ELK4: variants seen among roughly 807,000 people sequenced by gnomAD.
The protein encoded by ELK4 is ETS transcription factor ELK4.
In ELK4, 16 loss-of-function variants were observed where a neutral mutation model predicts 29.6. The ratio of observed to expected loss-of-function variants is 0.54; its 90% CI spans 0.37 to 0.82. ELK4 has a LOEUF of 0.82. Among genes scored for constraint, ELK4 ranks in the 40% least tolerant of loss-of-function variants. The pLI, the probability that ELK4 is intolerant of heterozygous loss-of-function variation, is 0.00. For synonymous variants in ELK4, 213 were observed against 191.1 expected, an observed-to-expected ratio of 1.11 and a Z score of -0.95; for missense variants, 465 against 507.1, an observed-to-expected ratio of 0.92 and a Z score of 0.80.
In ELK4 at chr1:205,620,655, G is replaced by A. The variant is rs1225643059; in HGVS notation, c.391C>T (p.Pro131Ser). The A allele has an allele frequency of 2.5e-6, 4 of 1,613,994 alleles. No individual in the cohort carries two copies. The highest frequency in any genetic ancestry group is 3.4e-6 in the Non-Finnish European group (4 of 1,180,010). Residue 131 changes from proline (P) to serine (S), a missense_variant, in exon 3 of 5, where the codon CCT becomes TCT. Pro to Ser is a moderately conservative substitution (Grantham distance 74, BLOSUM62 -1). This residue lies in a region of ELK4 where 385 missense variants were observed against 387.5 expected (regional missense o/e 0.99). Coordinates refer to ENST00000357992, the MANE Select transcript of ELK4 (RefSeq NM_001973.4). Reference protein sequence around the residue: ...ENGGKDKPPQPGAKTSSRNDY... With the variant: ...ENGGKDKPPQSGAKTSSRNDY... ...TTGCGGCTAGAGGTCTTGGCACCAG[G>A]CTGAGGTGGTTTATCTTTCCCTCCA...
chr1:205,625,991 G>C (rs1322869861), intron 1 of ELK4: 1 of 1,332,972 alleles, frequency 7.5e-7, no homozygotes, highest in African/African-American at 1.4e-5. Flanking sequence ...TCTACTTCTT[G>C]ATCCAGAAGC....
chr1:205,626,014 G>T (rs1043407131), intron 1 of ELK4: 13 of 1,439,580 alleles, frequency 9.0e-6, no homozygotes. Flanking sequence ...ATTCATCTCC[G>T]AGCTGAGGAT....
At position 205,609,191 on chromosome 1, in the gene ELK4, A is replaced by G. The variant is rs1480658837; in HGVS notation, c.*7355T>C. 5.3e-6 allele frequency: 1 copy of G among 187,988 alleles called. No individual in the cohort carries two copies. The highest frequency in any genetic ancestry group is 6.2e-5 in the Admixed American group (1 of 16,162). 11.6% of individuals were successfully genotyped at this position (187,988 alleles called of 1,614,324 possible). A position where few individuals can be genotyped will look rare whatever the true frequency, so the allele number is the denominator to read the frequency against. ...TAAAGAAGATCGAGTAGGGCTCATG[A>G]AAAATTATTGGTTTGTTCTTCAAAA... is the stretch of plus-strand genomic sequence containing the variant. On this transcript the variant is annotated 3_prime_UTR_variant, in exon 5 of 5. Transcript: ENST00000357992.
In ELK4 at chr1:205,608,436, C is replaced by T. The variant is rs1435293285; in HGVS notation, c.*8110G>A. 2.0e-5 allele frequency: 4 copies of T among 195,748 alleles called. No individual in the cohort carries two copies. The highest frequency in any genetic ancestry group is 9.3e-5 in the African/African-American group (4 of 43,222). 12.1% of individuals were successfully genotyped at this position (195,748 alleles called of 1,614,324 possible). On this transcript the variant is annotated 3_prime_UTR_variant, in exon 5 of 5. Transcript: ENST00000357992. The stretch of plus-strand genomic sequence containing the variant: ...TCCTAATCAATCTTAGAGCAATATC[C>T]CTTTGTTTCCCAACAGGTAAGTCAG...
In ELK4 at chr1:205,611,618, A is replaced by G; in HGVS notation, c.*4928T>C. The G allele has an allele frequency of 5.0e-6, 1 of 200,394 alleles. No homozygotes were observed. Among genetic ancestry groups the G allele is most frequent in the Non-Finnish European group, 1.0e-5 (1 of 97,138 alleles). 12.4% of individuals were successfully genotyped at this position (200,394 alleles called of 1,614,324 possible). A position where few individuals can be genotyped will look rare whatever the true frequency, so the allele number is the denominator to read the frequency against. On this transcript the variant is annotated 3_prime_UTR_variant, in exon 5 of 5. Coordinates refer to ENST00000357992, the MANE Select transcript of ELK4 (RefSeq NM_001973.4). ...CCACACTTCACTTACACTACTATGG[A>G]CTGAACAATTAACTTCTCAATACTA... is the stretch of plus-strand genomic sequence containing the variant.
intron 4 of ELK4, 129 bp from the exon 5 acceptor site, chr1:205,616,773 T>C (rs1670237698): frequency 1.6e-6 from 1 of 642,650 alleles, no homozygotes; most frequent in Non-Finnish European, 2.6e-6. Flanking sequence ...AGGCAGTGGC[T>C]GTTTATCATG....
In ELK4 at chr1:205,620,331, G is replaced by C. The variant is rs749483621; in HGVS notation, c.715C>G (p.Pro239Ala). 6.2e-7 allele frequency: 1 copy of C among 1,614,158 alleles called. No individual in the cohort carries two copies. Among genetic ancestry groups the C allele is most frequent in the Non-Finnish European group, 8.5e-7 (1 of 1,180,028 alleles). The change falls in exon 3 of 5, where the codon CCA (proline) becomes GCA (alanine). Residue 239 changes from proline to alanine, a missense_variant. Physicochemically the swap from Pro to Ala is conservative, Grantham distance 27. Transcript: ENST00000357992. ...GTCATTACGTTAGAGGCAGAGGTTGGGGCTTCCAGGGAAGGCAGTTTTGGG... is the reference window on the plus strand; with the variant it reads ...GTCATTACGTTAGAGGCAGAGGTTGCGGCTTCCAGGGAAGGCAGTTTTGGG... Reference protein sequence around the residue: ...VSPKLPSLEAPTSASNVMTAF... With the variant: ...VSPKLPSLEAATSASNVMTAF...
At position 205,620,402 on chromosome 1, in the gene ELK4, G is replaced by C. The variant is rs377088845; in HGVS notation, c.644C>G (p.Ser215Cys). The change falls in exon 3 of 5, where the codon TCT becomes TGT. Residue 215 changes from serine to cysteine, a missense_variant. Physicochemically the swap from Ser to Cys is moderately radical, Grantham distance 112. Transcript: ENST00000357992. ...AATISIGPSI[S>C]PSSEETIQAL... ...TTGGATAGTTTCTTCTGAAGATGGA[G>C]AAATACTTGGGCCAATTGAAATGGT... is the stretch of plus-strand genomic sequence containing the variant. 5.6e-6 allele frequency: 9 copies of C among 1,614,072 alleles called. No individual in the cohort carries two copies. In the Admixed American group the frequency reaches 8.3e-5, roughly 15 times the overall value.
Position 205,618,964 on chromosome 1 carries a change from AGT to A in ELK4, c.1188_1189del (p.Leu397PhefsTer42). 1.2e-6 allele frequency: 2 copies of A among 1,603,822 alleles called. No homozygotes were observed. Among genetic ancestry groups the A allele is most frequent in the Non-Finnish European group, 1.7e-6 (2 of 1,175,522 alleles). On this transcript the variant is annotated frameshift_variant, in exon 4 of 5. Coordinates refer to ENST00000357992, the MANE Select transcript of ELK4 (RefSeq NM_001973.4). LOFTEE classifies it high-confidence loss of function. ...AGATATTTATAAAATTACCTGGAAA[AGT>A]GTGTTAGCACCTTGCAGTCTGGCTG...
In ELK4 at chr1:205,631,947, G is replaced by A. The variant is rs1670603126; in HGVS notation, c.-325C>T. 6.6e-6 allele frequency: 1 copy of A among 150,380 alleles called. No homozygotes were observed. The highest frequency in any genetic ancestry group is 2.4e-5 in the African/African-American group (1 of 41,242). The allele number at this position is 150,380 out of a possible 1,614,324, so 9.3% of individuals were successfully genotyped here. A position where few individuals can be genotyped will look rare whatever the true frequency, so the allele number is the denominator to read the frequency against. On this transcript the variant is annotated 5_prime_UTR_variant, in exon 1 of 5. Coordinates refer to ENST00000357992, the MANE Select transcript of ELK4 (RefSeq NM_001973.4). ...TTCCTTGCAGCGGCGGGGCCTGCCA[G>A]GCCCTCCGCGGCCGCCGCCACTCTC...
rs1670199217 is a variant in ELK4, at chr1:205,614,493, T to C, written c.*2053A>G. On this transcript the variant is annotated 3_prime_UTR_variant, in exon 5 of 5. Coordinates refer to ENST00000357992, the MANE Select transcript of ELK4 (RefSeq NM_001973.4). ...TATGGAAAAAAAAGTCCAATATGTC[T>C]GTTCCCCATCACTATTAAACAATAC... is the stretch of plus-strand genomic sequence containing the variant. 4 of 228,598 alleles carry C rather than the reference T, an allele frequency of 1.7e-5. No homozygotes were observed. The highest frequency in any genetic ancestry group is 3.5e-5 in the Non-Finnish European group (4 of 115,356). The allele number at this position is 228,598 out of a possible 1,614,324, so 14.2% of individuals were successfully genotyped here.
Position 205,631,762 on chromosome 1 carries a change from TAG to T in ELK4, c.-142_-141del. ...CGCTGCGACCCCCGCGGCGGAGCCG[TAG>T]AAGGCGGCGGCGGCCAAGCCGAGCC... On this transcript the variant is annotated 5_prime_UTR_variant, in exon 1 of 5. The change abolishes the stop of an existing upstream ORF in the 5' untranslated region. Transcript: ENST00000357992. 1 of 272,850 alleles carries T rather than the reference TAG, an allele frequency of 3.7e-6. No homozygotes were observed. Among genetic ancestry groups the T allele is most frequent in the Non-Finnish European group, 7.7e-6 (1 of 129,826 alleles). The allele number at this position is 272,850 out of a possible 1,614,324, so 16.9% of individuals were successfully genotyped here.
chr1:205,628,737 A>G (rs1356952350), intron 1 of ELK4, among the ~76,000 whole-genome samples: 1 of 152,232 alleles, frequency 6.6e-6, no homozygotes, highest in Non-Finnish European at 1.5e-5. Context: ...CCTGTTGGTT[A>G]TCAGTGGAGC....
chr1:205,623,686 TAGTATCTGAGGGCTCGGCTGAGTTTGTC>T lies in ELK4; in HGVS notation c.169_196del (p.Asp57IlefsTer3), dbSNP rs746583715. 6.2e-6 allele frequency: 10 copies of T among 1,613,964 alleles called. No homozygotes were observed. The highest frequency in any genetic ancestry group is 8.5e-6 in the Non-Finnish European group (10 of 1,180,016). On this transcript the variant is annotated frameshift_variant, in exon 2 of 5. Coordinates refer to ENST00000357992, the MANE Select transcript of ELK4 (RefSeq NM_001973.4). LOFTEE classifies it high-confidence loss of function. ...CAGGATGTGTACTACCTTTACATAA[TAGTATCTGAGGGCTCGGCTGAGTTTGTC>T]ATAATTCATGTTAGGCTTGTTCTTG... is the stretch of plus-strand genomic sequence containing the variant.
chr1:205,619,578 T>G (rs1670294023), intron 3 of ELK4: 1 of 1,209,978 alleles, frequency 8.3e-7, no homozygotes, highest in Non-Finnish European at 1.0e-6. Context: ...TTACTCAACA[T>G]CACACCAGTC....
intron 4 of ELK4, among the ~76,000 whole-genome samples, chr1:205,618,116 A>G (rs981335946): frequency 6.6e-6 from 1 of 151,856 alleles, no homozygotes; most frequent in African/African-American, 2.4e-5. Context: ...GCCTTGATCT[A>G]CTGGGCTCAA....
chr1:205,626,696 G>A (rs1670470906), intron 1 of ELK4, among the ~76,000 whole-genome samples: 1 of 152,196 alleles, frequency 6.6e-6, no homozygotes, highest in African/African-American at 2.4e-5. Flanking sequence ...ATATTGGCAA[G>A]GATGCAGAGA....
intron 2 of ELK4, among the ~76,000 whole-genome samples, chr1:205,623,298 A>G (rs1670387063): frequency 6.6e-6 from 1 of 151,710 alleles, no homozygotes; most frequent in Non-Finnish European, 1.5e-5. Context: ...TAACCTCAAC[A>G]GAAAACAAGG....
chr1:205,616,707 C>G (rs1670236784), intron 4 of ELK4, 63 bp from the exon 5 acceptor site: 5 of 1,444,434 alleles, frequency 3.5e-6, no homozygotes, highest in Non-Finnish European at 4.8e-6. Flanking sequence ...ACTTTCTATC[C>G]TACTCTATTA....
Sources: allele counts gnomAD v4.1 joint callset (sites outside exome capture counted in the v4.1 genomes callset), GRCh38; gene constraint gnomAD v4.1.1; regional missense constraint gnomAD v4.1.1; transcripts MANE v1.5; gene names NCBI Gene and HGNC (gene_info 2026-07-23, HGNC 2026-07-21).